The following HPSE2 variants were observed in gnomAD, a reference collection of about 807,000 sequenced individuals.
The protein encoded by HPSE2 is heparanase 2 (inactive), also known as inactive heparanase-2.
HPSE2 carries 38 observed loss-of-function variants against 60.5 expected under a neutral mutation model. The ratio of observed to expected loss-of-function variants is 0.63; its 90% CI spans 0.48 to 0.82. The LOEUF (loss-of-function observed/expected upper bound fraction) is 0.82. Among genes scored for constraint, HPSE2 ranks in the 40% least tolerant of loss-of-function variants. The pLI is 0.00. For synonymous variants in HPSE2, 295 were observed against 293.2 expected (o/e 1.01, Z -0.06); for missense variants, 713 against 740.4 (o/e 0.96, Z 0.43).
chr10:99,132,219 G>GAAAGGA (rs1564833126), intron 3 of HPSE2, among the ~76,000 whole-genome samples: 1 of 22,016 alleles, frequency 4.5e-5, no homozygotes, highest in Admixed American at 6.5e-4. Context: ...GAGAGAGAGA[G>GAAAGGA]AGAGAGAGAG....
chr10:98,689,724 GA>G (rs1948025100), intron 6 of HPSE2, among the ~76,000 whole-genome samples: 1 of 152,108 alleles, frequency 6.6e-6, no homozygotes, highest in African/African-American at 2.4e-5. Context: ...TGCTGATTTT[GA>G]ATCTAGCAGG....
chr10:99,171,327 C>G (rs1466519101), intron 2 of HPSE2, among the ~76,000 whole-genome samples: 3 of 152,072 alleles, frequency 2.0e-5, no homozygotes, highest in Non-Finnish European at 4.4e-5. Flanking sequence ...TAAAGTTATT[C>G]TAACTCTAAG....
At chr10:99,185,521 T>C (rs1293688096) in intron 2 of HPSE2, among the ~76,000 whole-genome samples, 1 of 152,044 alleles carries the variant, frequency 6.6e-6, no homozygotes, top group East Asian at 1.9e-4. Flanking sequence ...ATGCCTGTAA[T>C]TCCAGCATTT....
intron 2 of HPSE2, among the ~76,000 whole-genome samples, chr10:99,214,146 C>T (rs1376430364): frequency 1.3e-5 from 2 of 152,124 alleles, no homozygotes; most frequent in South Asian, 2.1e-4. Context: ...AAATCAAAAC[C>T]ATGATGAGAT....
chr10:99,251,183 T>C, the HPSE2 span, among the ~76,000 whole-genome samples: 2 of 151,944 alleles, frequency 1.3e-5, no homozygotes, highest in Non-Finnish European at 2.9e-5. Context: ...CTCACAGAAA[T>C]ACAAAAGATC....
At chr10:99,105,075 AAG>A (rs1844187863) in intron 3 of HPSE2, among the ~76,000 whole-genome samples, 1 of 151,648 alleles carries the variant, frequency 6.6e-6, no homozygotes, top group Non-Finnish European at 1.5e-5. Flanking sequence ...AAAAAAAAAA[AAG>A]AAAAGCTAGG....
At chr10:98,781,132 A>C (rs1467670403) in intron 3 of HPSE2, among the ~76,000 whole-genome samples, 1 of 152,102 alleles carries the variant, frequency 6.6e-6, no homozygotes, top group Non-Finnish European at 1.5e-5. Flanking sequence ...TTCTGAACAA[A>C]AGCTAAACTT....
rs1932800 is a variant in HPSE2, at chr10:98,482,588, C to G, written c.1613+48G>C. On this transcript the variant is annotated intron_variant, in intron 11 of 11. Transcript: ENST00000370552. ...TGGTGTCTTCAGCCTCCCCCTCCCT[C>G]AGCTCCTGCTGCACTTGCTCCCGAG... 274,574 of 1,611,768 alleles carry G rather than the reference C, an allele frequency of 0.17. 31,843 individuals carry two copies. The highest frequency in any genetic ancestry group is 0.59 in the African/African-American group (44,040 of 74,838).
In HPSE2 at chr10:98,693,443, G is replaced by A. The variant is rs552189746; in HGVS notation, c.1004+457C>T. Among the ~76,000 whole-genome samples the A allele has an allele frequency of 3.3e-5, 5 of 152,056 alleles. No homozygotes were observed. In the South Asian group the frequency reaches 1.0e-3, roughly 32 times the overall value. Reference sequence around the variant, plus strand: ...GATACTCTTTTTTTAAAAAAAAGCTGCTTCATTTTAGAGACTCACTTGGCA... The same window carrying A: ...GATACTCTTTTTTTAAAAAAAAGCTACTTCATTTTAGAGACTCACTTGGCA... On this transcript the variant is annotated intron_variant, in intron 6 of 11. Transcript: ENST00000370552.
chr10:98,868,078 AAAATAAATAAATAAATAAATAAAT>A (rs34543812), intron 3 of HPSE2, among the ~76,000 whole-genome samples: 3 of 140,220 alleles, frequency 2.1e-5, no homozygotes, highest in Non-Finnish European at 4.6e-5. Flanking sequence ...AGAAAGAAAG[AAAATAAATAAATAAATAAATAAAT>A]AAATAAATAA....
At chr10:98,772,268 A>G (rs1440595134) in intron 3 of HPSE2, among the ~76,000 whole-genome samples, 1 of 152,186 alleles carries the variant, frequency 6.6e-6, no homozygotes, top group Non-Finnish European at 1.5e-5. Flanking sequence ...ATAATAGATG[A>G]GCAGACTACA....
At chr10:99,071,826 T>C (rs1480678691) in intron 3 of HPSE2, among the ~76,000 whole-genome samples, 4 of 152,222 alleles carry the variant, frequency 2.6e-5, no homozygotes, top group Admixed American at 2.6e-4. Flanking sequence ...AGAGACTATC[T>C]TTCCCTCATT....
chr10:98,749,073 T>A (rs1302593727), intron 3 of HPSE2, among the ~76,000 whole-genome samples: 1 of 152,140 alleles, frequency 6.6e-6, no homozygotes, highest in Non-Finnish European at 1.5e-5. Context: ...TTGTTTTTTT[T>A]AAATGCAAGA....
intron 3 of HPSE2, among the ~76,000 whole-genome samples, chr10:98,943,061 TCAC>T (rs1332082864): frequency 8.6e-6 from 1 of 116,908 alleles, no homozygotes; most frequent in African/African-American, 3.3e-5. Flanking sequence ...AAGGGGAACA[TCAC>T]ACTCTGGGGA....
intron 3 of HPSE2, among the ~76,000 whole-genome samples, chr10:98,955,275 A>C (rs1225484845): frequency 6.6e-6 from 1 of 152,126 alleles, no homozygotes; most frequent in Non-Finnish European, 1.5e-5. Flanking sequence ...AAAACAAACA[A>C]CCACATTAAA....
intron 2 of HPSE2, among the ~76,000 whole-genome samples, chr10:99,214,509 A>G (rs1282543376): frequency 1.3e-5 from 2 of 152,214 alleles, no homozygotes; most frequent in Non-Finnish European, 2.9e-5. Context: ...ATTTAGTCAT[A>G]AAAGGAAATG....
At chr10:99,002,248 T>C (rs1369408672) in intron 3 of HPSE2, among the ~76,000 whole-genome samples, 1 of 152,048 alleles carries the variant, frequency 6.6e-6, no homozygotes, top group African/African-American at 2.4e-5. Flanking sequence ...AAAAGACAAA[T>C]ATCTCATGCA....
At chr10:99,063,433 A>G (rs534423330) in intron 3 of HPSE2, among the ~76,000 whole-genome samples, 2 of 152,274 alleles carry the variant, frequency 1.3e-5, no homozygotes, top group Non-Finnish European at 2.9e-5. Context: ...GGAAGATACC[A>G]CTTTTCAGCT....
intron 2 of HPSE2, among the ~76,000 whole-genome samples, chr10:99,146,804 T>C (rs543534520): frequency 6.6e-6 from 1 of 151,992 alleles, no homozygotes; most frequent in Non-Finnish European, 1.5e-5. Flanking sequence ...GAGGTTGCAG[T>C]GAGCCGAGAT....
Sources: allele counts gnomAD v4.1 joint callset (sites outside exome capture counted in the v4.1 genomes callset), GRCh38; gene constraint gnomAD v4.1.1; transcripts MANE v1.5; gene names NCBI Gene and HGNC (gene_info 2026-07-23, HGNC 2026-07-21).